NEDD1: variants seen among roughly 807,000 people sequenced by gnomAD.
NEDD1 encodes the protein NEDD1 gamma-tubulin ring complex targeting factor, also known as protein NEDD1.
In NEDD1, 33 loss-of-function variants were observed where a neutral mutation model predicts 74.0. That is an observed-to-expected ratio of 0.45 (90% confidence interval 0.34 to 0.60). The LOEUF (loss-of-function observed/expected upper bound fraction) is 0.60. Among genes scored for constraint, NEDD1 ranks in the 20% least tolerant of loss-of-function variants. The pLI is 0.01. For missense variants in NEDD1, 746 were observed against 776.5 expected, an observed-to-expected ratio of 0.96 and a Z score of 0.47; for synonymous variants, 250 against 264.4, an observed-to-expected ratio of 0.95 and a Z score of 0.53.
intron 14 of NEDD1, among the ~76,000 whole-genome samples, chr12:96,947,152 C>T (rs1878274772): frequency 6.6e-6 from 1 of 152,046 alleles, no homozygotes; most frequent in African/African-American, 2.4e-5. Context: ...TTTTTGAGTG[C>T]TTTGCCCTAA....
At chr12:96,908,773 T>C (rs916848372) in intron 2 of NEDD1, among the ~76,000 whole-genome samples, 2 of 152,212 alleles carry the variant, frequency 1.3e-5, no homozygotes, top group Non-Finnish European at 1.5e-5. Context: ...ATACTTTTTT[T>C]AAAAATTAGG....
chr12:96,938,604 G>A (rs1319654438), intron 9 of NEDD1, among the ~76,000 whole-genome samples: 1 of 151,892 alleles, frequency 6.6e-6, no homozygotes, highest in Non-Finnish European at 1.5e-5. Context: ...GATAACTCTT[G>A]GTAGATTCCC....
chr12:96,939,345 C>T (rs562976448), intron 9 of NEDD1, among the ~76,000 whole-genome samples: 1 of 151,844 alleles, frequency 6.6e-6, no homozygotes, highest in Non-Finnish European at 1.5e-5. Context: ...TGTTAAGGAC[C>T]TAGAAAAAAG....
chr12:96,923,640 C>G (rs898520085), intron 6 of NEDD1, among the ~76,000 whole-genome samples: 2 of 152,064 alleles, frequency 1.3e-5, no homozygotes, highest in African/African-American at 4.8e-5. Context: ...CTGTTCAAGT[C>G]TGTTGCCCAT....
intron 2 of NEDD1, 43 bp from the exon 3 acceptor site, chr12:96,909,708 AT>A: frequency 6.6e-7 from 1 of 1,523,670 alleles, no homozygotes; most frequent in Non-Finnish European, 9.0e-7. Flanking sequence ...GAGTATGTCT[AT>A]TCTTAAATGT....
At chr12:96,942,700 C>A (rs1877788018) in intron 11 of NEDD1, 76 bp downstream of exon 11, 1 of 763,022 alleles carries the variant, frequency 1.3e-6, no homozygotes, top group Non-Finnish European at 2.3e-6. Context: ...CAAATCTCTC[C>A]AACACTTTGA....
chr12:96,924,836 C>T (rs745815626), intron 6 of NEDD1: 1 of 453,446 alleles, frequency 2.2e-6, no homozygotes, highest in Non-Finnish European at 4.4e-6. Context: ...TGACTAGGCT[C>T]TCCAATCCAG....
Position 96,920,130 on chromosome 12 carries a change from A to C in NEDD1, c.489+5A>C. The C allele has an allele frequency of 6.4e-7, 1 of 1,564,086 alleles. No homozygotes were observed. The highest frequency in any genetic ancestry group is 1.8e-5 in the Admixed American group (1 of 56,282). The stretch of plus-strand genomic sequence containing the variant: ...TTTGGCCATGGTAGTAACCAGGTAC[A>C]GTATGAGTTTATTCAGAGTAAAATT... On this transcript the variant is annotated splice_donor_5th_base_variant and intron_variant, in intron 6 of 15. Coordinates refer to ENST00000266742, the MANE Select transcript of NEDD1 (RefSeq NM_152905.4).
At chr12:96,933,227 T>C (rs974939602) in intron 6 of NEDD1, among the ~76,000 whole-genome samples, 4 of 152,172 alleles carry the variant, frequency 2.6e-5, no homozygotes, top group African/African-American at 9.6e-5. Flanking sequence ...GGTTAAACTT[T>C]ATGAACTTCG....
At chr12:96,936,129 G>A (rs1877062781) in intron 7 of NEDD1, among the ~76,000 whole-genome samples, 1 of 152,204 alleles carries the variant, frequency 6.6e-6, no homozygotes, top group Non-Finnish European at 1.5e-5. Flanking sequence ...TGTGAACTGT[G>A]TTCCTCTTAG....
At position 96,936,631 on chromosome 12, in the gene NEDD1, C is replaced by T; in HGVS notation, c.740C>T (p.Ala247Val). The change falls in exon 8 of 16, where the codon GCT becomes GTT. Residue 247 changes from alanine to valine, a missense_variant. Ala to Val is a moderately conservative substitution (Grantham distance 64). This residue lies in a region of NEDD1 where 706 missense variants were observed against 706.7 expected (regional missense o/e 1.00). Coordinates refer to ENST00000266742, the MANE Select transcript of NEDD1 (RefSeq NM_152905.4). ...SSKKLVKTLV[A>V]DTPLTAVDFM... is the part of the protein sequence containing the mutation. ...CAAAGGCTAGTGAAAACTTTAGTGG[C>T]TGACACTCCTCTAACTGCGGTAGAT... 6.2e-7 allele frequency: 1 copy of T among 1,613,468 alleles called. No individual in the cohort carries two copies.
At chr12:96,939,302 A>G (rs1210936707) in intron 9 of NEDD1, among the ~76,000 whole-genome samples, 3 of 152,016 alleles carry the variant, frequency 2.0e-5, no homozygotes, top group African/African-American at 7.2e-5. Flanking sequence ...TCTGTTTCCT[A>G]AAGTTTCAGA....
chr12:96,949,108 G>A (rs1455853471), intron 14 of NEDD1, among the ~76,000 whole-genome samples: 1 of 152,068 alleles, frequency 6.6e-6, no homozygotes, highest in Non-Finnish European at 1.5e-5. Context: ...CAACCTCCAG[G>A]CCACTGCTTC....
chr12:96,930,378 A>G (rs1232927075), intron 6 of NEDD1, among the ~76,000 whole-genome samples: 1 of 152,198 alleles, frequency 6.6e-6, no homozygotes, highest in Non-Finnish European at 1.5e-5. Context: ...AAGCAAAACC[A>G]GCAAAGAGAA....
chr12:96,915,780 CTA>C (rs1874375728), intron 4 of NEDD1, among the ~76,000 whole-genome samples: 1 of 152,174 alleles, frequency 6.6e-6, no homozygotes, highest in East Asian at 1.9e-4. Flanking sequence ...TTTAGCCATT[CTA>C]TAAAGATGGA....
chr12:96,918,152 G>C (rs927310666), intron 5 of NEDD1, among the ~76,000 whole-genome samples: 7 of 151,258 alleles, frequency 4.6e-5, no homozygotes, highest in African/African-American at 1.7e-4. Context: ...TAGTATATTT[G>C]GCTGCTCTTG....
rs367688375 is a variant in NEDD1, at chr12:96,951,345, CA to C, written c.1812-84del. 880 of 673,198 alleles carry C rather than the reference CA, an allele frequency of 1.3e-3. 7 individuals carry two copies. The African/African-American group carries it at 0.014, about 11-fold the overall frequency. The allele number at this position is 673,198 out of a possible 1,614,324, so 41.7% of individuals were successfully genotyped here. ...TAATTATTAACATTCAGTAATTTGG[CA>C]AATGAAAAAGTTTAGTGAGTTTCTT... On this transcript the variant is annotated intron_variant, in intron 14 of 15. Coordinates refer to ENST00000266742, the MANE Select transcript of NEDD1 (RefSeq NM_152905.4).
intron 6 of NEDD1, among the ~76,000 whole-genome samples, chr12:96,920,524 G>A (rs868809572): frequency 1.3e-5 from 2 of 152,138 alleles, no homozygotes; most frequent in African/African-American, 4.8e-5. Flanking sequence ...ATGATTGAGT[G>A]TGTTTAGGCA....
chr12:96,928,524 G>A (rs958016953), intron 6 of NEDD1, among the ~76,000 whole-genome samples: 6 of 151,726 alleles, frequency 4.0e-5, no homozygotes, highest in South Asian at 2.1e-4. Flanking sequence ...AATGTGTGAC[G>A]TGATTTCATA....
Sources: allele counts gnomAD v4.1 joint callset (sites outside exome capture counted in the v4.1 genomes callset), GRCh38; gene constraint gnomAD v4.1.1; regional missense constraint gnomAD v4.1.1; transcripts MANE v1.5; gene names NCBI Gene and HGNC (gene_info 2026-07-23, HGNC 2026-07-21).